RPL26L1: variants seen among roughly 807,000 people sequenced by gnomAD.
RPL26L1 encodes ribosomal protein L26 like 1, also known as ribosomal protein uL24-like.
RPL26L1 carries 8 observed loss-of-function variants against 15.2 expected under a neutral mutation model. The ratio of observed to expected loss-of-function variants is 0.53; its 90% confidence interval spans 0.31 to 0.95. The LOEUF (loss-of-function observed/expected upper bound fraction) is 0.95, where lower values mean the gene tolerates loss of function less well. Among genes scored for constraint, RPL26L1 ranks in the 40% least tolerant of loss-of-function variants. RPL26L1 has a pLI of 0.05. For missense variants in RPL26L1, 146 were observed against 190.9 expected, an observed-to-expected ratio of 0.76 and a Z score of 1.39; for synonymous variants, 51 against 65.9, an observed-to-expected ratio of 0.77 and a Z score of 1.09.
At chr5:172,967,817 A>G (rs976189944) in intron 2 of RPL26L1, among the ~76,000 whole-genome samples, 1 of 150,736 alleles carries the variant, frequency 6.6e-6, no homozygotes, top group Non-Finnish European at 1.5e-5. Context: ...ACATATAAGT[A>G]CATATATGTA....
At chr5:172,959,246 A>T, upstream of RPL26L1, 1 of 328,992 alleles carries the variant, frequency 3.0e-6, no homozygotes, top group Non-Finnish European at 4.4e-6. Context: ...GAACACCAGT[A>T]AGCCTCTACC....
At chr5:172,956,994 C>T (rs1323971533), upstream of RPL26L1, 2 of 344,928 alleles carry the variant, frequency 5.8e-6, no homozygotes, top group South Asian at 2.2e-5. Flanking sequence ...TCATTATTCC[C>T]ATTTTTCAGA....
At chr5:172,956,207 T>C (rs534626269), upstream of RPL26L1, among the ~76,000 whole-genome samples, 60 of 152,284 alleles carry the variant, frequency 3.9e-4, no homozygotes, top group African/African-American at 1.4e-3. Context: ...ATCCCACTAA[T>C]CAGAGATGAT....
upstream of RPL26L1, chr5:172,958,983 A>G (rs112809806): frequency 0.081 from 12,413 of 152,862 alleles, 1,236 homozygotes; most frequent in African/African-American, 0.24. Flanking sequence ...AGCACTTTGG[A>G]AGGCCGAGGC....
At chr5:172,956,922 A>G, upstream of RPL26L1, 1 of 270,262 alleles carries the variant, frequency 3.7e-6, no homozygotes, top group Non-Finnish European at 7.4e-6. Flanking sequence ...TGGGCGACAG[A>G]GCGAGACTCT....
intron 2 of RPL26L1, among the ~76,000 whole-genome samples, chr5:172,964,074 A>G (rs900993402): frequency 2.2e-4 from 34 of 151,702 alleles, no homozygotes; most frequent in African/African-American, 8.2e-4. Flanking sequence ...TGAGACAGAG[A>G]AGGAGGGCAA....
At chr5:172,963,883 T>G (rs1755343587) in intron 2 of RPL26L1, among the ~76,000 whole-genome samples, 1 of 152,172 alleles carries the variant, frequency 6.6e-6, no homozygotes, top group Non-Finnish European at 1.5e-5. Flanking sequence ...AGTGGTCATG[T>G]ATTTGTCTAT....
In RPL26L1 at chr5:172,963,267, G is replaced by C. The variant is rs555103141; in HGVS notation, c.168+3226G>C. 1.1e-4 allele frequency among the ~76,000 whole-genome samples: 17 copies of C among 151,984 alleles called. No homozygotes were observed. The South Asian group carries it at 3.5e-3, about 32-fold the overall frequency. ...CACACACCTGTAATCCCAAGTACTC[G>C]GGAGGCTGAGGCAGGGGAATCGCTT... On this transcript the variant is annotated intron_variant, in intron 2 of 3. Transcript: ENST00000265100.
At chr5:172,958,563 T>C, upstream of RPL26L1, 1 of 371,422 alleles carries the variant, frequency 2.7e-6, no homozygotes, top group East Asian at 7.4e-5. Context: ...AGAGCCCTTT[T>C]CCTTCCCTGC....
At chr5:172,957,321 T>TA (rs2113514490), upstream of RPL26L1, 1 of 455,016 alleles carries the variant, frequency 2.2e-6, no homozygotes, top group African/African-American at 2.0e-5. Context: ...CACAGCATGT[T>TA]AAAAACAAAA....
intron 2 of RPL26L1, among the ~76,000 whole-genome samples, chr5:172,967,381 C>T (rs1211458976): frequency 2.6e-5 from 4 of 152,060 alleles, no homozygotes; most frequent in Admixed American, 6.5e-5. Context: ...AGGAGAATCA[C>T]TTGAACCTGG....
chr5:172,963,277 G>A (rs947149208), intron 2 of RPL26L1, among the ~76,000 whole-genome samples: 1 of 151,830 alleles, frequency 6.6e-6, no homozygotes, highest in Non-Finnish European at 1.5e-5. Context: ...GGGAGGCTGA[G>A]GCAGGGGAAT....
chr5:172,968,635 G>C, intron 3 of RPL26L1, 36 bp downstream of exon 3: 1 of 1,613,286 alleles, frequency 6.2e-7, no homozygotes, highest in Non-Finnish European at 8.5e-7. Context: ...AGCAGCCATG[G>C]AGTGTGTCAA....
chr5:172,967,451 G>A (rs1755500075), intron 2 of RPL26L1, among the ~76,000 whole-genome samples: 1 of 150,984 alleles, frequency 6.6e-6, no homozygotes, highest in East Asian at 1.9e-4. Context: ...GGGGAACAGA[G>A]CGAGACTCCG....
chr5:172,969,390 ACC>A (rs762874863), intron 3 of RPL26L1, 21 bp from the exon 4 acceptor site: 3 of 1,610,582 alleles, frequency 1.9e-6, no homozygotes, highest in East Asian at 2.2e-5. Context: ...AGAAATAAAG[ACC>A]TGTTTTCTCA....
In RPL26L1 at chr5:172,959,846, C is replaced by G. The variant is rs548839377; in HGVS notation, c.-9-19C>G. 1 of 1,613,544 alleles carries G rather than the reference C, an allele frequency of 6.2e-7. No homozygotes were observed. Among genetic ancestry groups the G allele is most frequent in the South Asian group, 1.1e-5 (1 of 91,032 alleles). ...CCCACTGAGCGCCCCTTCATTCCGT[C>G]TCTCTCCGCCCTTTGTAGAGGGTCA... On this transcript the variant is annotated intron_variant, in intron 1 of 3. Coordinates refer to ENST00000265100, the MANE Select transcript of RPL26L1 (RefSeq NM_016093.4).
At chr5:172,957,924 T>A, upstream of RPL26L1, 1 of 181,186 alleles carries the variant, frequency 5.5e-6, no homozygotes, top group South Asian at 9.9e-5. Flanking sequence ...GGTGTGGCCA[T>A]CCTCCAGAGG....
At chr5:172,958,958 C>G (rs1279403068), upstream of RPL26L1, 3 of 153,520 alleles carry the variant, frequency 2.0e-5, no homozygotes, top group Non-Finnish European at 4.4e-5. Context: ...CGCGGCGGCT[C>G]ACGCCTGTAA....
chr5:172,957,229 G>A (rs1477251792), upstream of RPL26L1: 2 of 456,320 alleles, frequency 4.4e-6, no homozygotes, highest in Admixed American at 2.3e-5. Flanking sequence ...AAGACAGCCA[G>A]TCTCACTACA....
Sources: allele counts gnomAD v4.1 joint callset (sites outside exome capture counted in the v4.1 genomes callset), GRCh38; gene constraint gnomAD v4.1.1; transcripts MANE v1.5; gene names NCBI Gene and HGNC (gene_info 2026-07-23, HGNC 2026-07-21).